CBY2: variants seen among roughly 807,000 people sequenced by gnomAD.
CBY2 encodes the protein chibby family member 2.
Under a neutral mutation model 25.3 loss-of-function variants are expected in CBY2, and 23 were observed. The observed-to-expected ratio is 0.91, with a 90% CI of 0.65 to 1.29. CBY2 has a LOEUF of 1.29. CBY2 is among the 50% of genes most tolerant of loss of function. The pLI, the probability that CBY2 is intolerant of heterozygous loss-of-function variation, is 0.00. For synonymous variants in CBY2, 279 were observed against 260.2 expected, an observed-to-expected ratio of 1.07 and a Z score of -0.70; for missense variants, 642 against 590.7, an observed-to-expected ratio of 1.09 and a Z score of -0.90.
intron 2 of CBY2, among the ~76,000 whole-genome samples, chr13:45,706,778 A>G (rs1363238176): frequency 6.6e-6 from 1 of 152,168 alleles, no homozygotes; most frequent in African/African-American, 2.4e-5. Context: ...AGCTTGGCCC[A>G]TGAAACCAAT....
intron 2 of CBY2, among the ~76,000 whole-genome samples, chr13:45,707,804 C>T (rs1329679790): frequency 1.3e-5 from 2 of 152,216 alleles, no homozygotes; most frequent in East Asian, 1.9e-4. Context: ...CCTGGTTCCA[C>T]TCCTTTATCA....
chr13:45,703,337 G>GT, intron 2 of CBY2: 4 of 1,416,610 alleles, frequency 2.8e-6, no homozygotes, highest in Non-Finnish European at 3.7e-6. Flanking sequence ...AAAGACAGAT[G>GT]TAGGGGCCAT....
Position 45,714,065 on chromosome 13 carries a change from C to G in CBY2, c.1040C>G (p.Pro347Arg). 1 of 1,516,026 alleles carries G rather than the reference C, an allele frequency of 6.6e-7. No homozygotes were observed. Among genetic ancestry groups the G allele is most frequent in the Non-Finnish European group, 8.8e-7 (1 of 1,130,434 alleles). The allele number at this position is 1,516,026 out of a possible 1,614,324, so 93.9% of individuals were successfully genotyped here. Residue 347 changes from proline (P) to arginine (R), a missense_variant, in exon 3 of 3, where the codon CCG becomes CGG. By Grantham distance (103) the Pro-to-Arg change is moderately radical. Coordinates refer to ENST00000310521, the MANE Select transcript of CBY2 (RefSeq NM_152719.3). The stretch of plus-strand genomic sequence containing the variant: ...GGGGAGGAGGAGGCCAAGGTGGGCC[C>G]GGGCCTGCCCGACGGCTGCCAGCCC... ...PSGEEEAKVG[P>R]GLPDGCQPLQ...
At position 45,713,585 on chromosome 13, in the gene CBY2, G is replaced by A. The variant is rs1048522766; in HGVS notation, c.560G>A (p.Arg187Gln). ...EENKALREEN[R>Q]MLSKENKILQ... ...AACAAGGCCCTGCGCGAGGAGAACC[G>A]GATGCTCAGCAAGGAGAACAAGATC... Residue 187 changes from arginine (R) to glutamine (Q), a missense_variant, in exon 3 of 3, where the codon CGG becomes CAG. Physicochemically the swap from Arg to Gln is conservative, Grantham distance 43. Transcript: ENST00000310521. The surrounding 1 kb of genome is among the most constrained non-coding windows in gnomAD (Gnocchi z 5.0). 11 of 1,613,804 alleles carry A rather than the reference G, an allele frequency of 6.8e-6. No individual in the cohort carries two copies. The highest frequency in any genetic ancestry group is 2.2e-5 in the East Asian group (1 of 44,840).
In CBY2 at chr13:45,714,417, C is replaced by A; in HGVS notation, c.*45C>A. 2.7e-6 allele frequency: 4 copies of A among 1,476,144 alleles called. No homozygotes were observed. Among genetic ancestry groups the A allele is most frequent in the Non-Finnish European group, 3.6e-6 (4 of 1,097,276 alleles). The allele number at this position is 1,476,144 out of a possible 1,614,324, so 91.4% of individuals were successfully genotyped here. ...GACGCCGAGTTTGGGACACCGAACA[C>A]TGGGCAAAAGAGAATCCCCTGCCTT... On this transcript the variant is annotated 3_prime_UTR_variant, in exon 3 of 3. Transcript: ENST00000310521.
chr13:45,702,335 AC>A lies in CBY2; in HGVS notation c.-54del. The A allele has an allele frequency of 4.7e-6, 7 of 1,505,162 alleles. No individual in the cohort carries two copies. Among genetic ancestry groups the A allele is most frequent in the Middle Eastern group, 1.7e-4 (1 of 5,866 alleles). 93.2% of individuals were successfully genotyped at this position (1,505,162 alleles called of 1,614,324 possible). ...CCTGCCTGTCAGATGCCTCATTCCC[AC>A]CTGTGATGCTCAGAGAGAAACCATG... On this transcript the variant is annotated 5_prime_UTR_variant, in exon 1 of 3. The change abolishes the stop of an existing upstream ORF in the 5' untranslated region. Coordinates refer to ENST00000310521, the MANE Select transcript of CBY2 (RefSeq NM_152719.3).
intron 2 of CBY2, among the ~76,000 whole-genome samples, chr13:45,708,609 C>T (rs768425354): frequency 1.2e-4 from 18 of 152,108 alleles, no homozygotes; most frequent in Non-Finnish European, 1.6e-4. Context: ...TAGCTCTGAT[C>T]AGAATCAGAG....
chr13:45,704,981 T>C lies in CBY2; in HGVS notation c.156+2126T>C, dbSNP rs921566892. Among the ~76,000 whole-genome samples the C allele has an allele frequency of 6.6e-6, 1 of 152,180 alleles. No homozygotes were observed. The highest frequency in any genetic ancestry group is 2.4e-5 in the African/African-American group (1 of 41,444). The stretch of plus-strand genomic sequence containing the variant: ...ATTCTGGGATGGAGTCCACTTTCCA[T>C]TTGTTTCAGAAAGGACTTGTGGCAG... On this transcript the variant is annotated intron_variant, in intron 2 of 2. Coordinates refer to ENST00000310521, the MANE Select transcript of CBY2 (RefSeq NM_152719.3). This position sits in a 1 kb window ranked among gnomAD's most constrained non-coding sequence, Gnocchi z 4.1.
In CBY2 at chr13:45,713,540, A is replaced by G. The variant is rs377300059; in HGVS notation, c.515A>G (p.Asn172Ser). The G allele has an allele frequency of 2.4e-5, 39 of 1,614,096 alleles. No homozygotes were observed. In the African/African-American group the frequency reaches 5.1e-4, roughly 21 times the overall value. The change falls in exon 3 of 3, where the codon AAC becomes AGC. Residue 172 changes from asparagine (N) to serine (S), a missense_variant. By Grantham distance (46) the Asn-to-Ser change is conservative. Coordinates refer to ENST00000310521, the MANE Select transcript of CBY2 (RefSeq NM_152719.3). This position sits in a 1 kb window ranked among gnomAD's most constrained non-coding sequence, Gnocchi z 5.0. ...LAKECMLQEE[N>S]KSLREENKAL... Reference sequence around the variant, plus strand: ...AAGGAGTGCATGCTGCAGGAGGAGAACAAGTCTCTGCGGGAGGAGAACAAG... The same window carrying G: ...AAGGAGTGCATGCTGCAGGAGGAGAGCAAGTCTCTGCGGGAGGAGAACAAG...
intron 2 of CBY2, among the ~76,000 whole-genome samples, chr13:45,709,945 T>G (rs1349410416): frequency 6.6e-6 from 1 of 152,198 alleles, no homozygotes; most frequent in Non-Finnish European, 1.5e-5. Context: ...CTAGTGCTGG[T>G]TATTTAACAT....
chr13:45,705,029 C>A (rs968456197), intron 2 of CBY2, among the ~76,000 whole-genome samples: 1 of 152,220 alleles, frequency 6.6e-6, no homozygotes. Context: ...CAGAGACTGC[C>A]TCTGGCTCCC....
At chr13:45,703,025 G>T in intron 2 of CBY2, 170 bp downstream of exon 2, 1 of 1,169,484 alleles carries the variant, frequency 8.6e-7, no homozygotes. Context: ...AGGCCACATA[G>T]CCCCTCTGGG....
intron 1 of CBY2, 98 bp downstream of exon 1, chr13:45,702,563 C>A: frequency 9.5e-7 from 1 of 1,049,250 alleles, no homozygotes; most frequent in South Asian, 1.3e-5. Context: ...TTTACATCAA[C>A]TATAATATCT....
At position 45,713,105 on chromosome 13, in the gene CBY2, T is replaced by C; in HGVS notation, c.157-77T>C. 1 of 1,213,580 alleles carries C rather than the reference T, an allele frequency of 8.2e-7. No individual in the cohort carries two copies. 75.2% of individuals were successfully genotyped at this position (1,213,580 alleles called of 1,614,324 possible). A position where few individuals can be genotyped will look rare whatever the true frequency, so the allele number is the denominator to read the frequency against. Reference sequence around the variant, plus strand: ...ATCAGACGGGGCTTATTTGGGGATGTCCTGGCCCCTTTGTCAGCCAGCCCC... The same window carrying C: ...ATCAGACGGGGCTTATTTGGGGATGCCCTGGCCCCTTTGTCAGCCAGCCCC... On this transcript the variant is annotated intron_variant, in intron 2 of 2. Coordinates refer to ENST00000310521, the MANE Select transcript of CBY2 (RefSeq NM_152719.3). The surrounding 1 kb of genome is among the most constrained non-coding windows in gnomAD (Gnocchi z 5.0).
Position 45,702,534 on chromosome 13 carries a change from CA to C in CBY2, c.75+74del, listed in dbSNP as rs1392522392. The C allele has an allele frequency of 3.7e-5, 49 of 1,323,372 alleles. No individual in the cohort carries two copies. The Admixed American group carries it at 7.5e-4, about 20-fold the overall frequency. The allele number at this position is 1,323,372 out of a possible 1,614,324, so 82.0% of individuals were successfully genotyped here. On this transcript the variant is annotated intron_variant, in intron 1 of 2. Transcript: ENST00000310521. ...GAAGCAGGTACAGCTATCTCCACTT[CA>C]AAAACTTTCAAAAGCCTTTTACATC...
Position 45,713,046 on chromosome 13 carries a change from G to A in CBY2, c.157-136G>A. The A allele has an allele frequency of 1.5e-6, 1 of 670,334 alleles. No homozygotes were observed. Among genetic ancestry groups the A allele is most frequent in the East Asian group, 2.7e-5 (1 of 36,626 alleles). The allele number at this position is 670,334 out of a possible 1,614,324, so 41.5% of individuals were successfully genotyped here. ...CCACATTTCCTTGTGAGGACCCCAA[G>A]AAGCAAAAGCGCCCACTGTGGCCAG... On this transcript the variant is annotated intron_variant, in intron 2 of 2. Coordinates refer to ENST00000310521, the MANE Select transcript of CBY2 (RefSeq NM_152719.3). The surrounding 1 kb of genome is among the most constrained non-coding windows in gnomAD (Gnocchi z 5.0).
chr13:45,702,320 A>T lies in CBY2; in HGVS notation c.-71A>T. 7.3e-7 allele frequency: 1 copy of T among 1,361,280 alleles called. No individual in the cohort carries two copies. The highest frequency in any genetic ancestry group is 1.1e-6 in the Non-Finnish European group (1 of 950,082). The allele number at this position is 1,361,280 out of a possible 1,614,324, so 84.3% of individuals were successfully genotyped here. A position where few individuals can be genotyped will look rare whatever the true frequency, so the allele number is the denominator to read the frequency against. On this transcript the variant is annotated 5_prime_UTR_variant, in exon 1 of 3. Coordinates refer to ENST00000310521, the MANE Select transcript of CBY2 (RefSeq NM_152719.3). Reference sequence around the variant, plus strand: ...CACCCACAAGCTCTTCCTGCCTGTCAGATGCCTCATTCCCACCTGTGATGC... The same window carrying T: ...CACCCACAAGCTCTTCCTGCCTGTCTGATGCCTCATTCCCACCTGTGATGC...
At chr13:45,703,550 C>T in intron 2 of CBY2, 1 of 1,550,980 alleles carries the variant, frequency 6.4e-7, no homozygotes, top group Admixed American at 2.0e-5. Flanking sequence ...GGCCATGCAA[C>T]CAGAGGGGTT....
intron 2 of CBY2, among the ~76,000 whole-genome samples, chr13:45,710,989 T>G (rs1950267191): frequency 6.6e-6 from 1 of 152,186 alleles, no homozygotes; most frequent in African/African-American, 2.4e-5. Flanking sequence ...CCTGACTTGT[T>G]TTTTATTTTC....
Sources: allele counts gnomAD v4.1 joint callset (sites outside exome capture counted in the v4.1 genomes callset), GRCh38; gene constraint gnomAD v4.1.1; non-coding constraint Gnocchi (gnomAD v3.1); transcripts MANE v1.5; gene names NCBI Gene and HGNC (gene_info 2026-07-23, HGNC 2026-07-21).